Variants in RSPO3 observed in about 807,000 individuals in gnomAD.
The protein encoded by RSPO3 is R-spondin-3.
A neutral mutation model predicts 36.5 loss-of-function variants in RSPO3; 17 were observed. That is an observed-to-expected ratio of 0.47 (90% CI 0.32 to 0.70). The LOEUF is 0.70. RSPO3 is among the 30% of genes least tolerant of loss of function. The pLI is 0.04. For synonymous variants in RSPO3, 108 were observed against 107.0 expected (o/e 1.01, Z -0.06); for missense variants, 294 against 322.5 (o/e 0.91, Z 0.68).
At chr6:127,143,355 T>TA (rs961721416) in intron 1 of RSPO3, among the ~76,000 whole-genome samples, 18 of 152,016 alleles carry the variant, frequency 1.2e-4, no homozygotes, top group African/African-American at 3.4e-4. Context: ...AGGACAGATG[T>TA]AAAAAAAACT....
chr6:127,167,485 G>A (rs564665053), intron 4 of RSPO3, among the ~76,000 whole-genome samples: 1 of 152,038 alleles, frequency 6.6e-6, no homozygotes, highest in African/African-American at 2.4e-5. Flanking sequence ...ATATTCCATG[G>A]TGTATATGTG....
At position 127,178,063 on chromosome 6, in the gene RSPO3, A is replaced by G. The variant is rs1775092383; in HGVS notation, c.635-17760A>G. On this transcript the variant is annotated intron_variant, in intron 4 of 4. Coordinates refer to ENST00000356698, the MANE Select transcript of RSPO3 (RefSeq NM_032784.5). ...AATAGGTACATTTAGATGCATGTCTAGGACTGTGCAGTATATGAGAGATCC... is the reference window on the plus strand; with the variant it reads ...AATAGGTACATTTAGATGCATGTCTGGGACTGTGCAGTATATGAGAGATCC... Among the ~76,000 whole-genome samples, 2 of 151,856 alleles carry G rather than the reference A, an allele frequency of 1.3e-5. 1 individual carries two copies. Among genetic ancestry groups the G allele is most frequent in the South Asian group, 4.1e-4 (2 of 4,838 alleles).
intron 4 of RSPO3, among the ~76,000 whole-genome samples, chr6:127,161,515 G>C (rs186665365): frequency 3.6e-4 from 54 of 152,052 alleles, no homozygotes; most frequent in African/African-American, 1.2e-3. Flanking sequence ...TGAGATTTTG[G>C]GGATTTTATT....
chr6:127,132,235 T>G (rs1582786787), intron 1 of RSPO3, among the ~76,000 whole-genome samples: 2 of 152,274 alleles, frequency 1.3e-5, no homozygotes, highest in East Asian at 3.9e-4. Context: ...TAAGTAACTG[T>G]GCCTAAATGA....
At chr6:127,189,390 A>C (rs779017925) in intron 4 of RSPO3, among the ~76,000 whole-genome samples, 6 of 151,908 alleles carry the variant, frequency 3.9e-5, no homozygotes, top group Non-Finnish European at 7.4e-5. Context: ...TGGTGGGACA[A>C]GTGCAGGGGT....
chr6:127,162,159 GT>G (rs1190490450), intron 4 of RSPO3, among the ~76,000 whole-genome samples: 1 of 152,110 alleles, frequency 6.6e-6, no homozygotes, highest in Non-Finnish European at 1.5e-5. Flanking sequence ...ACCTGGCATA[GT>G]TTTTACTTCC....
chr6:127,197,363 C>A lies in RSPO3; in HGVS notation c.*1356C>A. ...GGGCATCATTTCTTGTATGTCAGAT[C>A]CCCCTGCATCTTCAACATTTAGTCT... On this transcript the variant is annotated 3_prime_UTR_variant, in exon 5 of 5. Coordinates refer to ENST00000356698, the MANE Select transcript of RSPO3 (RefSeq NM_032784.5). The A allele has an allele frequency of 6.5e-7, 1 of 1,538,798 alleles. No homozygotes were observed. Among genetic ancestry groups the A allele is most frequent in the South Asian group, 1.2e-5 (1 of 82,806 alleles).
chr6:127,133,098 A>AT (rs1468627996), intron 1 of RSPO3, among the ~76,000 whole-genome samples: 1 of 151,984 alleles, frequency 6.6e-6, no homozygotes, highest in African/African-American at 2.4e-5. Context: ...TAATTTTAAG[A>AT]TTTCTTTGTG....
intron 3 of RSPO3, among the ~76,000 whole-genome samples, chr6:127,154,848 A>T (rs1774561487): frequency 6.6e-6 from 1 of 152,154 alleles, no homozygotes; most frequent in South Asian, 2.1e-4. Context: ...TGCATGCTAA[A>T]GTTTGAGAAT....
chr6:127,172,243 ACT>A (rs1313581740), intron 4 of RSPO3, among the ~76,000 whole-genome samples: 4 of 42,848 alleles, frequency 9.3e-5, no homozygotes, highest in Non-Finnish European at 2.6e-4. Flanking sequence ...ACACAAACAC[ACT>A]CACACATACA....
At chr6:127,191,628 A>G (rs1290698217) in intron 4 of RSPO3, among the ~76,000 whole-genome samples, 1 of 152,188 alleles carries the variant, frequency 6.6e-6, no homozygotes, top group East Asian at 1.9e-4. Context: ...CTACATGGAG[A>G]TTTTAGCTAC....
chr6:127,195,735 AAG>A, intron 4 of RSPO3, 86 bp from the exon 5 acceptor site: 2 of 864,948 alleles, frequency 2.3e-6, no homozygotes, highest in Non-Finnish European at 3.4e-6. Flanking sequence ...TATATAATCT[AAG>A]AGAAATTTAA....
chr6:127,142,047 A>G (rs1469121251), intron 1 of RSPO3, among the ~76,000 whole-genome samples: 1 of 152,170 alleles, frequency 6.6e-6, no homozygotes, highest in African/African-American at 2.4e-5. Context: ...TATTTCAAAA[A>G]TGGCAGGGTC....
In RSPO3 at chr6:127,155,234, G is replaced by A. The variant is rs1423212396; in HGVS notation, c.437-7G>A. On this transcript the variant is annotated splice_region_variant and splice_polypyrimidine_tract_variant and intron_variant, in intron 3 of 4. Transcript: ENST00000356698. ...CAGCTGAGTCTGTTTCTTCTGTTCT[G>A]TTTCAGTGCACTGTGAGGTCAGTGA... 2 of 1,613,596 alleles carry A rather than the reference G, an allele frequency of 1.2e-6. No individual in the cohort carries two copies. The highest frequency in any genetic ancestry group is 1.7e-5 in the Admixed American group (1 of 59,992).
At chr6:127,133,133 A>G (rs1370218748) in intron 1 of RSPO3, among the ~76,000 whole-genome samples, 1 of 152,088 alleles carries the variant, frequency 6.6e-6, no homozygotes, top group Non-Finnish European at 1.5e-5. Flanking sequence ...AAAAAGTTCA[A>G]TGTAAATAAT....
chr6:127,120,677 G>A (rs1468328400), intron 1 of RSPO3, among the ~76,000 whole-genome samples: 2 of 152,240 alleles, frequency 1.3e-5, no homozygotes, highest in African/African-American at 2.4e-5. Context: ...TTGTATTGCT[G>A]GCCTCGGCCA....
chr6:127,162,957 G>T (rs909995862), intron 4 of RSPO3, among the ~76,000 whole-genome samples: 3 of 152,038 alleles, frequency 2.0e-5, no homozygotes, highest in African/African-American at 7.2e-5. Context: ...TTGTAAGACG[G>T]CTAAGTAGGG....
At chr6:127,159,175 G>A (rs1326733806) in intron 4 of RSPO3, among the ~76,000 whole-genome samples, 1 of 152,128 alleles carries the variant, frequency 6.6e-6, no homozygotes, top group Non-Finnish European at 1.5e-5. Flanking sequence ...TGTGTATGTG[G>A]TGGTGGAAGC....
intron 1 of RSPO3, among the ~76,000 whole-genome samples, chr6:127,141,727 A>G (rs1774273872): frequency 6.6e-6 from 1 of 152,176 alleles, no homozygotes; most frequent in Non-Finnish European, 1.5e-5. Flanking sequence ...TAGTAGGATA[A>G]AAGATACAGT....
Sources: allele counts gnomAD v4.1 joint callset (sites outside exome capture counted in the v4.1 genomes callset), GRCh38; gene constraint gnomAD v4.1.1; transcripts MANE v1.5; gene names NCBI Gene and HGNC (gene_info 2026-07-23, HGNC 2026-07-21).